Variants in ABCB10 observed in about 807,000 individuals in gnomAD.
ABCB10 encodes ATP binding cassette subfamily B member 10.
In ABCB10, 54 loss-of-function variants were observed where a neutral mutation model predicts 65.4. The observed-to-expected ratio is 0.83, with a 90% confidence interval of 0.66 to 1.04. The LOEUF (loss-of-function observed/expected upper bound fraction) is 1.04. ABCB10 is among the 50% of genes least tolerant of loss of function. The pLI is 0.00. For synonymous variants in ABCB10, 418 were observed against 406.5 expected (o/e 1.03, Z -0.34); for missense variants, 846 against 976.6 (o/e 0.87, Z 1.78).
intron 3 of ABCB10, among the ~76,000 whole-genome samples, chr1:229,544,993 TG>T (rs1406267509): frequency 3.3e-5 from 5 of 152,262 alleles, no homozygotes; most frequent in South Asian, 2.1e-4. Flanking sequence ...GGCCTCAGAA[TG>T]AAACTATTTT....
rs371431635 is a variant in ABCB10 at position 229,540,630 on chromosome 1, G to A, written c.1179C>T (p.Phe393=). 79 of 1,611,540 alleles carry A rather than the reference G, an allele frequency of 4.9e-5. No homozygotes were observed. The highest frequency in any genetic ancestry group is 3.3e-4 in the East Asian group (15 of 44,864). The change falls in exon 5 of 13, where the codon TTC becomes TTT. Residue 393 remains phenylalanine, a synonymous_variant. Coordinates refer to ENST00000344517, the MANE Select transcript of ABCB10 (RefSeq NM_012089.3). Reference sequence around the variant, plus strand: ...CTGCTCCAAAGAAACCAGCCCGGGCGAATGCCTCTTTCCTTGCTAACTGCA... The same window carrying A: ...CTGCTCCAAAGAAACCAGCCCGGGCAAATGCCTCTTTCCTTGCTAACTGCA... ...HVMQLARKEA[F]ARAGFFGATG...
chr1:229,558,529 G>A lies in ABCB10; in HGVS notation c.124C>T (p.Pro42Ser). Reference sequence around the variant, plus strand: ...CGCGCCGGCCTCAGGCCAGTGAACGGCGATAGGGACCCGGGAACGCGGCTG... The same window carrying A: ...CGCGCCGGCCTCAGGCCAGTGAACGACGATAGGGACCCGGGAACGCGGCTG... ...AASRVPGSLS[P>S]FTGLRPARLW... The change falls in exon 1 of 13, where the codon CCG becomes TCG. Residue 42 changes from proline (P) to serine (S), a missense_variant. Coordinates refer to ENST00000344517, the MANE Select transcript of ABCB10 (RefSeq NM_012089.3). 1 of 1,433,930 alleles carries A rather than the reference G, an allele frequency of 7.0e-7. No homozygotes were observed. Among genetic ancestry groups the A allele is most frequent in the Non-Finnish European group, 9.1e-7 (1 of 1,093,858 alleles). 88.8% of individuals were successfully genotyped at this position (1,433,930 alleles called of 1,614,324 possible). A position where few individuals can be genotyped will look rare whatever the true frequency, so the allele number is the denominator to read the frequency against.
chr1:229,558,520 C>T lies in ABCB10; in HGVS notation c.133G>A (p.Gly45Ser), dbSNP rs1361031206. Residue 45 changes from glycine to serine, a missense_variant, in exon 1 of 13, where the codon GGC (glycine) becomes AGC (serine). By Grantham distance (56) the Gly-to-Ser change is moderately conservative. Coordinates refer to ENST00000344517, the MANE Select transcript of ABCB10 (RefSeq NM_012089.3). ...RVPGSLSPFT[G>S]LRPARLWGAG... ...CCCCATAGCCGCGCCGGCCTCAGGC[C>T]AGTGAACGGCGATAGGGACCCGGGA... is the stretch of plus-strand genomic sequence containing the variant. 1 of 1,425,476 alleles carries T rather than the reference C, an allele frequency of 7.0e-7. No individual in the cohort carries two copies. Among genetic ancestry groups the T allele is most frequent in the Non-Finnish European group, 9.2e-7 (1 of 1,088,640 alleles). The allele number at this position is 1,425,476 out of a possible 1,614,324, so 88.3% of individuals were successfully genotyped here.
At chr1:229,535,720 A>G (rs959318478) in intron 6 of ABCB10, among the ~76,000 whole-genome samples, 1 of 150,334 alleles carries the variant, frequency 6.7e-6, no homozygotes, top group African/African-American at 2.4e-5. Flanking sequence ...TGCTGTGTCA[A>G]TGTAGGCTCT....
At chr1:229,520,388 T>C (rs1662276712) in intron 11 of ABCB10, among the ~76,000 whole-genome samples, 1 of 148,638 alleles carries the variant, frequency 6.7e-6, no homozygotes, top group Non-Finnish European at 1.5e-5. Flanking sequence ...GAGTATCACT[T>C]GCAACCTGGG....
rs750864383 is a variant in ABCB10, at chr1:229,523,725, G to A, written c.1907-2090C>T. Among the ~76,000 whole-genome samples the A allele has an allele frequency of 6.6e-5, 10 of 152,324 alleles. No homozygotes were observed. In the South Asian group the frequency reaches 2.1e-3, roughly 32 times the overall value. On this transcript the variant is annotated intron_variant, in intron 10 of 12. Transcript: ENST00000344517. ...GACTGGAACCTCTGGTTACTTCGCT[G>A]AGAAACGGAACTGGAGGATCCTACC... is the stretch of plus-strand genomic sequence containing the variant.
At position 229,558,379 on chromosome 1, in the gene ABCB10, G is replaced by T; in HGVS notation, c.274C>A (p.Leu92Met). 2 of 1,241,370 alleles carry T rather than the reference G, an allele frequency of 1.6e-6. No homozygotes were observed. The highest frequency in any genetic ancestry group is 1.0e-6 in the Non-Finnish European group (1 of 984,242). 76.9% of individuals were successfully genotyped at this position (1,241,370 alleles called of 1,614,324 possible). Residue 92 changes from leucine (L) to methionine (M), a missense_variant, in exon 1 of 13, where the codon CTG becomes ATG. Leu to Met is a conservative substitution (Grantham distance 15, BLOSUM62 2). Coordinates refer to ENST00000344517, the MANE Select transcript of ABCB10 (RefSeq NM_012089.3). Reference sequence around the variant, plus strand: ...CAGCTGCCGGGGCCGCGAGCCCACAGCCCCAGGAGCCGCGCGAGGCCCAGG... The same window carrying T: ...CAGCTGCCGGGGCCGCGAGCCCACATCCCCAGGAGCCGCGCGAGGCCCAGG... ...GVLGLARLLG[L>M]WARGPGSCRC...
At chr1:229,523,351 A>G (rs188641683) in intron 10 of ABCB10, among the ~76,000 whole-genome samples, 50 of 152,290 alleles carry the variant, frequency 3.3e-4, no homozygotes, top group African/African-American at 1.2e-3. Context: ...ACCCAATTCC[A>G]TTTTTGGGGA....
chr1:229,539,866 T>G (rs931399350), intron 5 of ABCB10, among the ~76,000 whole-genome samples: 4 of 152,176 alleles, frequency 2.6e-5, no homozygotes, highest in Non-Finnish European at 5.9e-5. Flanking sequence ...AAAAGTAATA[T>G]TAAAGGTTCC....
intron 6 of ABCB10, among the ~76,000 whole-genome samples, chr1:229,533,382 C>T (rs1387821004): frequency 6.6e-6 from 1 of 152,144 alleles, no homozygotes; most frequent in African/African-American, 2.4e-5. Context: ...CCTCAGCCTC[C>T]CAAAGTGCTG....
chr1:229,543,930 G>C (rs570370632), intron 3 of ABCB10, among the ~76,000 whole-genome samples: 1 of 152,180 alleles, frequency 6.6e-6, no homozygotes, highest in South Asian at 2.1e-4. Flanking sequence ...AACACTTCTG[G>C]GGCCTGAACA....
Position 229,558,698 on chromosome 1 carries a change from C to A in ABCB10, c.-46G>T. 8.0e-7 allele frequency: 1 copy of A among 1,253,940 alleles called. No homozygotes were observed. The allele number at this position is 1,253,940 out of a possible 1,614,324, so 77.7% of individuals were successfully genotyped here. ...CGCCTCAGCCCGCCGGCCAGGCGCGCGCAAAGCCCGAGGACCCTCCCGGCC... is the reference window on the plus strand; with the variant it reads ...CGCCTCAGCCCGCCGGCCAGGCGCGAGCAAAGCCCGAGGACCCTCCCGGCC... On this transcript the variant is annotated 5_prime_UTR_variant, in exon 1 of 13. Coordinates refer to ENST00000344517, the MANE Select transcript of ABCB10 (RefSeq NM_012089.3).
chr1:229,554,159 G>A (rs1663187637), intron 1 of ABCB10, among the ~76,000 whole-genome samples: 1 of 152,166 alleles, frequency 6.6e-6, no homozygotes, highest in African/African-American at 2.4e-5. Context: ...TGGGTGTGAT[G>A]GAGAACACAG....
chr1:229,554,955 G>A (rs935961261), intron 1 of ABCB10, among the ~76,000 whole-genome samples: 2 of 152,130 alleles, frequency 1.3e-5, no homozygotes, highest in Non-Finnish European at 2.9e-5. Flanking sequence ...CTGCCAGCAG[G>A]CTTCAGGTTC....
intron 10 of ABCB10, among the ~76,000 whole-genome samples, chr1:229,525,481 C>A (rs1178974278): frequency 6.6e-6 from 1 of 152,098 alleles, no homozygotes; most frequent in Non-Finnish European, 1.5e-5. Flanking sequence ...TATAAGAGAG[C>A]AAGTGGTAAG....
At chr1:229,529,606 C>T (rs1466279808) in intron 8 of ABCB10, among the ~76,000 whole-genome samples, 1 of 136,780 alleles carries the variant, frequency 7.3e-6, no homozygotes, top group Non-Finnish European at 1.5e-5. Flanking sequence ...GGAGGCAGAG[C>T]TTGCAGTGAG....
intron 1 of ABCB10, among the ~76,000 whole-genome samples, chr1:229,555,114 T>C (rs1558130550): frequency 1.3e-5 from 2 of 152,288 alleles, no homozygotes; most frequent in East Asian, 3.9e-4. Context: ...AATGAAGGCA[T>C]GCTGCCCACC....
chr1:229,552,538 G>A (rs148297028), intron 1 of ABCB10, among the ~76,000 whole-genome samples: 2 of 152,326 alleles, frequency 1.3e-5, no homozygotes, highest in Admixed American at 6.5e-5. Flanking sequence ...AAAAGAAAGG[G>A]GAAGGAAAAT....
chr1:229,529,166 G>A lies in ABCB10; in HGVS notation c.1645+1033C>T, dbSNP rs34039340. Among the ~76,000 whole-genome samples the A allele has an allele frequency of 5.4e-5, 8 of 149,502 alleles. No individual in the cohort carries two copies. In the South Asian group the frequency reaches 6.4e-4, roughly 12 times the overall value. ...AAATTAGCCGGGCATGGTGGCAGGC[G>A]CCTGTGGTCCCAGCTACTCGGGAGG... On this transcript the variant is annotated intron_variant, in intron 8 of 12. Transcript: ENST00000344517.
Sources: gnomAD v4.1 joint callset for allele counts (sites outside exome capture counted in the v4.1 genomes callset) on GRCh38, gnomAD v4.1.1 for gene constraint, MANE v1.5 for transcripts, NCBI Gene and HGNC (gene_info 2026-07-23, HGNC 2026-07-21) for gene names.